The following RCC2 variants were observed in gnomAD, a reference collection of about 807,000 sequenced individuals.
RCC2 encodes the protein protein RCC2.
RCC2 carries 19 observed loss-of-function variants against 64.1 expected under a neutral mutation model. The observed-to-expected ratio is 0.30, with a 90% CI of 0.21 to 0.44. The LOEUF is 0.44. Among genes scored for constraint, RCC2 ranks in the 20% least tolerant of loss-of-function variants. The pLI, the probability that RCC2 is intolerant of heterozygous loss-of-function variation, is 1.00. For missense variants in RCC2, 508 were observed against 710.4 expected, an observed-to-expected ratio of 0.72 and a Z score of 3.24; for synonymous variants, 325 against 279.6, an observed-to-expected ratio of 1.16 and a Z score of -1.62.
At chr1:17,413,325 G>T in intron 9 of RCC2, 147 bp from the exon 10 acceptor site, 1 of 818,244 alleles carries the variant, frequency 1.2e-6, no homozygotes, top group South Asian at 1.6e-5. Context: ...TGGCGTGCCT[G>T]TGCAGTCCTA....
At chr1:17,419,752 A>G (rs978346521) in intron 7 of RCC2, among the ~76,000 whole-genome samples, 2 of 152,186 alleles carry the variant, frequency 1.3e-5, no homozygotes, top group Non-Finnish European at 2.9e-5. Flanking sequence ...AGGCAGCAGG[A>G]GCGCGCACGT....
Position 17,410,070 on chromosome 1 carries a change from T to C in RCC2, c.1387-19A>G, listed in dbSNP as rs2075408310. ...CGTAGCCCTGGCGAAGCAAACAAGATGTTCGCAATCGAGGATCCATGTGGC... is the reference window on the plus strand; with the variant it reads ...CGTAGCCCTGGCGAAGCAAACAAGACGTTCGCAATCGAGGATCCATGTGGC... On this transcript the variant is annotated intron_variant, in intron 11 of 12. Transcript: ENST00000375436. The C allele has an allele frequency of 6.2e-7, 1 of 1,611,790 alleles. No homozygotes were observed. The highest frequency in any genetic ancestry group is 1.3e-5 in the African/African-American group (1 of 74,948).
At chr1:17,420,941 ACT>A in intron 6 of RCC2, 113 bp from the exon 7 acceptor site, 1 of 691,234 alleles carries the variant, frequency 1.4e-6, no homozygotes, top group Admixed American at 3.1e-5. Context: ...AGTTTAATAA[ACT>A]CAGTAATTCT....
chr1:17,438,277 C>G lies in RCC2; in HGVS notation c.238G>C (p.Gly80Arg). 1 of 1,307,140 alleles carries G rather than the reference C, an allele frequency of 7.7e-7. No homozygotes were observed. 81.0% of individuals were successfully genotyped at this position (1,307,140 alleles called of 1,614,324 possible). A position where few individuals can be genotyped will look rare whatever the true frequency, so the allele number is the denominator to read the frequency against. Residue 80 changes from glycine (G) to arginine (R), a missense_variant, in exon 2 of 13, where the codon GGC becomes CGC. Gly to Arg is a moderately radical substitution (Grantham distance 125). Transcript: ENST00000375436. The part of the protein sequence containing the change: ...ARPATAGKAG[G>R]AAVVITEPEH... The stretch of plus-strand genomic sequence containing the variant: ...GGTTCGGTGATGACCACGGCCGCGC[C>G]GCCCGCCTTGCCTGCTGTCGCCGGC...
intron 9 of RCC2, 61 bp downstream of exon 9, chr1:17,413,476 G>A: frequency 6.5e-7 from 1 of 1,544,472 alleles, no homozygotes; most frequent in South Asian, 1.1e-5. Flanking sequence ...CTAGGGACAG[G>A]ACAATGGCTA....
rs1378901185 is a variant in RCC2 at position 17,408,004 on chromosome 1, T to G, written c.*1086A>C. 1 of 152,400 alleles carries G rather than the reference T, an allele frequency of 6.6e-6. No homozygotes were observed. Among genetic ancestry groups the G allele is most frequent in the Admixed American group, 6.5e-5 (1 of 15,292 alleles). 9.4% of individuals were successfully genotyped at this position (152,400 alleles called of 1,614,324 possible). Reference sequence around the variant, plus strand: ...ACGCAGGTGGCAGTCACAGCATCCGTGCTGACACGCAAGGAAGGGGACTCT... The same window carrying G: ...ACGCAGGTGGCAGTCACAGCATCCGGGCTGACACGCAAGGAAGGGGACTCT... On this transcript the variant is annotated 3_prime_UTR_variant, in exon 13 of 13. Transcript: ENST00000375436.
intron 7 of RCC2, among the ~76,000 whole-genome samples, chr1:17,417,163 C>A (rs190076118): frequency 6.6e-6 from 1 of 152,172 alleles, no homozygotes; most frequent in Non-Finnish European, 1.5e-5. Flanking sequence ...GTAACCTAAA[C>A]GTATGGTTAC....
chr1:17,409,051 GC>G lies in RCC2; in HGVS notation c.*38del. ...CCCAGTGCACATGGAAATGACAGCT[GC>G]CGCGAGAGGTGTGGAGTCGGAGGAG... On this transcript the variant is annotated 3_prime_UTR_variant, in exon 13 of 13. Transcript: ENST00000375436. 7.1e-7 allele frequency: 1 copy of G among 1,399,104 alleles called. No individual in the cohort carries two copies. Among genetic ancestry groups the G allele is most frequent in the South Asian group, 1.2e-5 (1 of 86,776 alleles). 86.7% of individuals were successfully genotyped at this position (1,399,104 alleles called of 1,614,324 possible). A position where few individuals can be genotyped will look rare whatever the true frequency, so the allele number is the denominator to read the frequency against.
intron 2 of RCC2, among the ~76,000 whole-genome samples, chr1:17,432,410 G>T (rs1407631019): frequency 2.0e-5 from 3 of 152,240 alleles, no homozygotes; most frequent in African/African-American, 7.2e-5. Flanking sequence ...AGAGACCCAG[G>T]AAGGGTGCTA....
At chr1:17,411,812 G>A (rs2075429838) in intron 11 of RCC2, among the ~76,000 whole-genome samples, 1 of 152,088 alleles carries the variant, frequency 6.6e-6, no homozygotes, top group African/African-American at 2.4e-5. Flanking sequence ...CAGGGGAGAG[G>A]GAACAAACAG....
At chr1:17,428,942 T>TTC (rs2075646609) in intron 3 of RCC2, among the ~76,000 whole-genome samples, 164 bp downstream of exon 3, 2 of 152,246 alleles carry the variant, frequency 1.3e-5, no homozygotes, top group African/African-American at 2.4e-5. Flanking sequence ...AAGATTAGGG[T>TTC]TCAAATCCAG....
chr1:17,409,568 G>T (rs2075403090), intron 12 of RCC2, among the ~76,000 whole-genome samples: 1 of 152,218 alleles, frequency 6.6e-6, no homozygotes, highest in Admixed American at 6.5e-5. Flanking sequence ...GGGCCAGCAG[G>T]CTGGCTGACT....
intron 2 of RCC2, among the ~76,000 whole-genome samples, chr1:17,437,947 G>A (rs920547100): frequency 7.1e-4 from 103 of 145,694 alleles, no homozygotes; most frequent in African/African-American, 2.4e-3. Flanking sequence ...CCTCGTGCGG[G>A]CTTCGGCCGC....
chr1:17,437,142 C>T (rs2075743060), intron 2 of RCC2, among the ~76,000 whole-genome samples: 1 of 152,210 alleles, frequency 6.6e-6, no homozygotes, highest in African/African-American at 2.4e-5. Flanking sequence ...GCCCCAGTTT[C>T]CCTATCTATA....
intron 2 of RCC2, among the ~76,000 whole-genome samples, chr1:17,434,181 T>C (rs1323955978): frequency 1.3e-5 from 2 of 152,322 alleles, no homozygotes; most frequent in Non-Finnish European, 2.9e-5. Context: ...ATCCTTGGAA[T>C]CTCCAAAGCA....
chr1:17,428,238 T>C (rs1328750566), intron 3 of RCC2, among the ~76,000 whole-genome samples: 1 of 152,234 alleles, frequency 6.6e-6, no homozygotes, highest in Non-Finnish European at 1.5e-5. Context: ...GGGCTTACGT[T>C]ACTGTAGACC....
chr1:17,427,856 T>G (rs558873163), intron 3 of RCC2, among the ~76,000 whole-genome samples: 103 of 152,100 alleles, frequency 6.8e-4, no homozygotes, highest in Non-Finnish European at 1.2e-3. Context: ...CAAGTCAAAT[T>G]AAACGCCCTG....
chr1:17,426,626 C>T (rs1465816407), intron 3 of RCC2, among the ~76,000 whole-genome samples: 4 of 152,204 alleles, frequency 2.6e-5, no homozygotes, highest in African/African-American at 7.2e-5. Context: ...GCTGTAGGCT[C>T]CCTCCAGCCT....
In RCC2 at chr1:17,408,437, C is replaced by T. The variant is rs149679206; in HGVS notation, c.*653G>A. 4,575 of 152,462 alleles carry T rather than the reference C, an allele frequency of 0.03. 100 individuals are homozygous for T. The highest frequency in any genetic ancestry group is 0.043 in the Non-Finnish European group (2,908 of 68,172). The allele number at this position is 152,462 out of a possible 1,614,324, so 9.4% of individuals were successfully genotyped here. A position where few individuals can be genotyped will look rare whatever the true frequency, so the allele number is the denominator to read the frequency against. On this transcript the variant is annotated 3_prime_UTR_variant, in exon 13 of 13. Coordinates refer to ENST00000375436, the MANE Select transcript of RCC2 (RefSeq NM_018715.4). ...TAAAGTAGATATAAATGGCTAAACACAGATCCCCAATCCCCCACCAGGGGG... is the reference window on the plus strand; with the variant it reads ...TAAAGTAGATATAAATGGCTAAACATAGATCCCCAATCCCCCACCAGGGGG...
Sources: gnomAD v4.1 joint callset for allele counts (sites outside exome capture counted in the v4.1 genomes callset) on GRCh38, gnomAD v4.1.1 for gene constraint, MANE v1.5 for transcripts, NCBI Gene and HGNC (gene_info 2026-07-23, HGNC 2026-07-21) for gene names.